Variants in ZNF618 observed in about 807,000 individuals in gnomAD.
ZNF618 encodes the protein zinc finger protein 618.
ZNF618 carries 34 observed loss-of-function variants against 103.0 expected under a neutral mutation model. The ratio of observed to expected loss-of-function variants is 0.33; its 90% CI spans 0.25 to 0.44. The LOEUF is 0.44. Among genes scored for constraint, ZNF618 ranks in the 20% least tolerant of loss-of-function variants. ZNF618 has a pLI of 1.00. For missense variants in ZNF618, 1,059 were observed against 1,295.4 expected (o/e 0.82, Z 2.80); for synonymous variants, 551 against 542.2 (o/e 1.02, Z -0.23).
chr9:114,010,436 G>A (rs1371878775), intron 9 of ZNF618, among the ~76,000 whole-genome samples: 1 of 152,192 alleles, frequency 6.6e-6, no homozygotes, highest in Non-Finnish European at 1.5e-5. Flanking sequence ...GCTGGGCGTG[G>A]TGGCTCTCGC....
At chr9:113,913,039 G>C (rs1184509933) in intron 1 of ZNF618, among the ~76,000 whole-genome samples, 1 of 152,106 alleles carries the variant, frequency 6.6e-6, no homozygotes, top group Non-Finnish European at 1.5e-5. Context: ...TCCAGGGGCA[G>C]CTGTCAGGGC....
intron 2 of ZNF618, among the ~76,000 whole-genome samples, chr9:113,976,314 C>T (rs1838464200): frequency 6.6e-6 from 1 of 152,206 alleles, no homozygotes; most frequent in South Asian, 2.1e-4. Context: ...TTCTTGTGAA[C>T]CTGTGGCTGT....
chr9:113,968,418 G>A (rs1438951621), intron 1 of ZNF618, among the ~76,000 whole-genome samples: 1 of 152,184 alleles, frequency 6.6e-6, no homozygotes, highest in Non-Finnish European at 1.5e-5. Context: ...TCAGCTGGCG[G>A]TAGTGAAGAT....
intron 10 of ZNF618, among the ~76,000 whole-genome samples, chr9:114,025,581 G>A (rs1039171106): frequency 6.6e-6 from 1 of 152,202 alleles, no homozygotes; most frequent in African/African-American, 2.4e-5. Context: ...CAGCATGACA[G>A]TGTTCCCTGT....
At chr9:114,043,384 C>G (rs1845381811) in intron 13 of ZNF618, among the ~76,000 whole-genome samples, 1 of 152,202 alleles carries the variant, frequency 6.6e-6, no homozygotes, top group Non-Finnish European at 1.5e-5. Flanking sequence ...ATATCCCTGT[C>G]TACACCTTTT....
chr9:113,924,753 A>C (rs1402028380), intron 1 of ZNF618, among the ~76,000 whole-genome samples: 1 of 151,712 alleles, frequency 6.6e-6, no homozygotes, highest in African/African-American at 2.4e-5. Context: ...AATAGTTTTT[A>C]ATTTCTCTTG....
At chr9:113,886,527 T>G (rs1192837264) in intron 1 of ZNF618, among the ~76,000 whole-genome samples, 1 of 152,198 alleles carries the variant, frequency 6.6e-6, no homozygotes, top group African/African-American at 2.4e-5. Flanking sequence ...GAAAAATAAC[T>G]ATAAACATTT....
intron 10 of ZNF618, among the ~76,000 whole-genome samples, chr9:114,017,222 C>G (rs1464640852): frequency 1.3e-5 from 2 of 152,156 alleles, no homozygotes; most frequent in East Asian, 3.9e-4. Context: ...CAGGAAAGCT[C>G]CCTCTTGGTC....
At chr9:113,898,836 G>A (rs1001265707) in intron 1 of ZNF618, among the ~76,000 whole-genome samples, 1 of 152,206 alleles carries the variant, frequency 6.6e-6, no homozygotes, top group African/African-American at 2.4e-5. Flanking sequence ...CTTTGGCTTG[G>A]TGAAGCTGCG....
chr9:113,987,118 T>C lies in ZNF618; in HGVS notation c.78-1203T>C, dbSNP rs149400112. On this transcript the variant is annotated intron_variant, in intron 2 of 14. Coordinates refer to ENST00000374126, the MANE Select transcript of ZNF618 (RefSeq NM_001318042.2). ...AGGCTAGCATGGCCAGGGCAGTGTCTCTGGGCCTGGAACATGACTCGATTT... is the reference window on the plus strand; with the variant it reads ...AGGCTAGCATGGCCAGGGCAGTGTCCCTGGGCCTGGAACATGACTCGATTT... Among the ~76,000 whole-genome samples, 868 of 152,308 alleles carry C rather than the reference T, an allele frequency of 5.7e-3. 12 individuals are homozygous for C. Among genetic ancestry groups the C allele is most frequent in the East Asian group, 0.051 (262 of 5,162 alleles).
intron 1 of ZNF618, 89 bp from the exon 2 acceptor site, chr9:113,969,028 G>T: frequency 7.0e-7 from 1 of 1,436,116 alleles, no homozygotes; most frequent in South Asian, 1.1e-5. Flanking sequence ...GTGAAGGCTG[G>T]TATTCAGTGG....
chr9:113,888,923 A>G (rs1191294488), intron 1 of ZNF618, among the ~76,000 whole-genome samples: 7 of 152,258 alleles, frequency 4.6e-5, no homozygotes, highest in South Asian at 2.1e-4. Context: ...TGGAACAGAC[A>G]AGAGAGATTT....
chr9:113,910,658 C>T (rs984745892), intron 1 of ZNF618, among the ~76,000 whole-genome samples: 2 of 152,092 alleles, frequency 1.3e-5, no homozygotes, highest in Non-Finnish European at 2.9e-5. Flanking sequence ...GGGACAATAT[C>T]ACTTTCCTAA....
At chr9:113,951,555 G>GTATACATGTACACATA (rs753147188) in intron 1 of ZNF618, among the ~76,000 whole-genome samples, 716 of 48,906 alleles carry the variant, frequency 0.015, 52 homozygotes, top group Non-Finnish European at 0.016. Flanking sequence ...ACACATATGT[G>GTATACATGTACACATA]TGTGTATATG....
At position 113,912,354 on chromosome 9, in the gene ZNF618, G is replaced by T. The variant is rs536512255; in HGVS notation, c.33+35941G>T. On this transcript the variant is annotated intron_variant, in intron 1 of 14. Coordinates refer to ENST00000374126, the MANE Select transcript of ZNF618 (RefSeq NM_001318042.2). ...TTAGGATGGGATTTCAGCAACTCAGGCCTGGCAGATGCAGGCAGCAGACGT... is the reference window on the plus strand; with the variant it reads ...TTAGGATGGGATTTCAGCAACTCAGTCCTGGCAGATGCAGGCAGCAGACGT... Among the ~76,000 whole-genome samples, 7 of 152,296 alleles carry T rather than the reference G, an allele frequency of 4.6e-5. No individual in the cohort carries two copies. In the East Asian group the frequency reaches 7.7e-4, roughly 17 times the overall value.
chr9:113,914,898 C>G (rs76015355), intron 1 of ZNF618, among the ~76,000 whole-genome samples: 4,089 of 152,272 alleles, frequency 0.027, 87 homozygotes, highest in Middle Eastern at 0.054. Context: ...CTTCCCAGCA[C>G]TGGCCTCCAA....
chr9:114,034,540 G>A (rs1248730171), intron 12 of ZNF618, among the ~76,000 whole-genome samples: 2 of 152,218 alleles, frequency 1.3e-5, no homozygotes, highest in Admixed American at 1.3e-4. Context: ...CCTTTCCACA[G>A]CCCCATGGGG....
chr9:113,929,555 A>C (rs572070440), intron 1 of ZNF618, among the ~76,000 whole-genome samples: 1 of 152,268 alleles, frequency 6.6e-6, no homozygotes, highest in South Asian at 2.1e-4. Flanking sequence ...TGGCACCCTT[A>C]AATTAGCTGG....
chr9:113,889,448 AAGAT>A (rs1829418247), intron 1 of ZNF618, among the ~76,000 whole-genome samples: 1 of 152,092 alleles, frequency 6.6e-6, no homozygotes, highest in Admixed American at 6.6e-5. Flanking sequence ...TGCATGTGCC[AAGAT>A]AGATAGCACT....
Sources: allele counts gnomAD v4.1 joint callset (sites outside exome capture counted in the v4.1 genomes callset), GRCh38; gene constraint gnomAD v4.1.1; transcripts MANE v1.5; gene names NCBI Gene and HGNC (gene_info 2026-07-23, HGNC 2026-07-21).